Variants in DENND5B observed in about 807,000 individuals in gnomAD.
DENND5B encodes DENN domain containing 5B, also known as DENN domain-containing protein 5B.
In DENND5B, 34 loss-of-function variants were observed where a neutral mutation model predicts 140.6. The observed-to-expected ratio is 0.24, with a 90% CI of 0.18 to 0.32. The LOEUF (loss-of-function observed/expected upper bound fraction) is 0.32. Among genes scored for constraint, DENND5B ranks in the 10% least tolerant of loss-of-function variants. DENND5B has a pLI of 1.00. For missense variants in DENND5B, 1,142 were observed against 1,560.2 expected, an observed-to-expected ratio of 0.73 and a Z score of 4.52; for synonymous variants, 551 against 562.1, an observed-to-expected ratio of 0.98 and a Z score of 0.28.
rs982200457 is a variant in DENND5B, at chr12:31,442,925, G to A, written c.1862C>T (p.Ala621Val). 1.3e-6 allele frequency: 2 copies of A among 1,552,406 alleles called. No individual in the cohort carries two copies. The highest frequency in any genetic ancestry group is 1.7e-6 in the Non-Finnish European group (2 of 1,148,898). ...YQKCSTLKEA[A>V]QSIEQRLMKM... ...CATCAGTCTCTGCTCAATTGATTGG[G>A]CTATAAATTAAATTTATAATAAATT... Residue 621 changes from alanine (A) to valine (V), a missense_variant and splice_region_variant, in exon 7 of 21, where the codon GCC becomes GTC. By Grantham distance (64) the Ala-to-Val change is moderately conservative (BLOSUM62 0). This residue lies in a region of DENND5B where 708 missense variants were observed against 905.5 expected (regional missense o/e 0.78). Coordinates refer to ENST00000389082, the MANE Select transcript of DENND5B (RefSeq NM_144973.4).
At chr12:31,444,836 A>AT (rs1944207076) in intron 6 of DENND5B, among the ~76,000 whole-genome samples, 1 of 152,226 alleles carries the variant, frequency 6.6e-6, no homozygotes, top group Admixed American at 6.5e-5. Flanking sequence ...CCAAAACCAC[A>AT]TAGGTAATTG....
chr12:31,587,296 G>C (rs1014254054), intron 1 of DENND5B, among the ~76,000 whole-genome samples: 8 of 152,144 alleles, frequency 5.3e-5, no homozygotes, highest in African/African-American at 1.9e-4. Context: ...TTTCCAGTCT[G>C]ATTCTCCATC....
chr12:31,518,576 C>T (rs1490907767), intron 1 of DENND5B, among the ~76,000 whole-genome samples: 1 of 54,982 alleles, frequency 1.8e-5, no homozygotes, highest in African/African-American at 9.3e-5. Context: ...TTCAAATATA[C>T]CTTTTTTTTT....
chr12:31,420,065 T>C, intron 11 of DENND5B: 1 of 985,104 alleles, frequency 1.0e-6, no homozygotes, highest in Non-Finnish European at 1.2e-6. Context: ...AAAATCCATT[T>C]CCAGTTTAGT....
chr12:31,551,862 G>GT (rs1269008285), intron 1 of DENND5B, among the ~76,000 whole-genome samples: 36 of 152,228 alleles, frequency 2.4e-4, no homozygotes, highest in Non-Finnish European at 4.8e-4. Flanking sequence ...TTGGCTTTCT[G>GT]TTTGTCTGTT....
intron 1 of DENND5B, among the ~76,000 whole-genome samples, chr12:31,559,661 A>G (rs1008461752): frequency 1.3e-5 from 2 of 152,188 alleles, no homozygotes; most frequent in African/African-American, 4.8e-5. Flanking sequence ...CTGTTTAGCA[A>G]TTATACACTT....
At chr12:31,551,680 T>G (rs1479771947) in intron 1 of DENND5B, among the ~76,000 whole-genome samples, 1 of 152,216 alleles carries the variant, frequency 6.6e-6, no homozygotes, top group Non-Finnish European at 1.5e-5. Flanking sequence ...ACGATATTGA[T>G]TCTTCCTACC....
intron 1 of DENND5B, among the ~76,000 whole-genome samples, chr12:31,577,852 A>G (rs1485365676): frequency 1.3e-5 from 2 of 151,450 alleles, no homozygotes; most frequent in East Asian, 2.0e-4. Context: ...GGTCCAGTGC[A>G]GTGGCTCACG....
chr12:31,433,307 C>G lies in DENND5B; in HGVS notation c.2013-59G>C, dbSNP rs1445392155. ...TTATCTTTAAAATAGAAAGCATTAA[C>G]CATTCAACACAAAAGACTGACACAC... On this transcript the variant is annotated intron_variant, in intron 7 of 20. Coordinates refer to ENST00000389082, the MANE Select transcript of DENND5B (RefSeq NM_144973.4). The G allele has an allele frequency of 4.2e-6, 6 of 1,440,806 alleles. No homozygotes were observed. The South Asian group carries it at 6.4e-5, about 15-fold the overall frequency. 89.3% of individuals were successfully genotyped at this position (1,440,806 alleles called of 1,614,324 possible). A position where few individuals can be genotyped will look rare whatever the true frequency, so the allele number is the denominator to read the frequency against.
chr12:31,388,234 T>C (rs1259380542), intron 20 of DENND5B, among the ~76,000 whole-genome samples: 1 of 150,672 alleles, frequency 6.6e-6, no homozygotes, highest in Non-Finnish European at 1.5e-5. Flanking sequence ...TGCTTTTTTT[T>C]TTTTTTTTTT....
rs537858410 is a variant in DENND5B, at chr12:31,548,111, G to A, written c.127+42595C>T. ...CTAATATAGTTCACATTAGAATCCAGCCAGGCACAGTGGGACACATTTGTA... is the reference window on the plus strand; with the variant it reads ...CTAATATAGTTCACATTAGAATCCAACCAGGCACAGTGGGACACATTTGTA... On this transcript the variant is annotated intron_variant, in intron 1 of 20. Coordinates refer to ENST00000389082, the MANE Select transcript of DENND5B (RefSeq NM_144973.4). Among the ~76,000 whole-genome samples, 7 of 152,202 alleles carry A rather than the reference G, an allele frequency of 4.6e-5. No homozygotes were observed. In the South Asian group the frequency reaches 1.0e-3, roughly 23 times the overall value.
chr12:31,443,004 C>T (rs546007441), intron 6 of DENND5B, 79 bp from the exon 7 acceptor site: 1 of 1,322,940 alleles, frequency 7.6e-7, no homozygotes, highest in African/African-American at 1.5e-5. Flanking sequence ...ACTCATGCAC[C>T]TACAGAGAAC....
intron 1 of DENND5B, among the ~76,000 whole-genome samples, chr12:31,577,571 C>T (rs946607893): frequency 5.3e-5 from 8 of 151,740 alleles, no homozygotes; most frequent in Admixed American, 4.6e-4. Context: ...ATTAGCCAGG[C>T]GTGGTGGCGG....
chr12:31,490,377 C>T (rs929679104), intron 2 of DENND5B, among the ~76,000 whole-genome samples: 1 of 152,042 alleles, frequency 6.6e-6, no homozygotes, highest in Non-Finnish European at 1.5e-5. Flanking sequence ...TCTGAGAGGC[C>T]GAGGTGGGCA....
At chr12:31,499,542 G>C (rs1946924047) in intron 1 of DENND5B, 3 of 1,302,928 alleles carry the variant, frequency 2.3e-6, no homozygotes, top group Middle Eastern at 2.2e-4. Flanking sequence ...ATTTATAATG[G>C]GCTTGCAGTC....
chr12:31,505,946 CA>C (rs1947184743), intron 1 of DENND5B, among the ~76,000 whole-genome samples: 1 of 152,066 alleles, frequency 6.6e-6, no homozygotes, highest in Non-Finnish European at 1.5e-5. Flanking sequence ...GTGATCCTCT[CA>C]CCTCAGCCTC....
At chr12:31,425,994 A>C (rs1264162713) in intron 9 of DENND5B, among the ~76,000 whole-genome samples, 1 of 152,222 alleles carries the variant, frequency 6.6e-6, no homozygotes, top group East Asian at 1.9e-4. Flanking sequence ...ATAAGATGAC[A>C]ACATTCCTGA....
chr12:31,429,628 C>T (rs183176626), intron 8 of DENND5B, among the ~76,000 whole-genome samples: 118 of 152,004 alleles, frequency 7.8e-4, no homozygotes, highest in African/African-American at 2.3e-3. Context: ...AGGCTGGTCT[C>T]AAATTCCTGA....
intron 2 of DENND5B, among the ~76,000 whole-genome samples, chr12:31,488,936 T>C (rs1470851622): frequency 6.6e-6 from 1 of 152,372 alleles, no homozygotes; most frequent in South Asian, 2.1e-4. Context: ...AGGCTTATAA[T>C]GACAAGTGTG....
Sources: allele counts gnomAD v4.1 joint callset (sites outside exome capture counted in the v4.1 genomes callset), GRCh38; gene constraint gnomAD v4.1.1; regional missense constraint gnomAD v4.1.1; transcripts MANE v1.5; gene names NCBI Gene and HGNC (gene_info 2026-07-23, HGNC 2026-07-21).